TEAD1: variants seen among roughly 807,000 people sequenced by gnomAD.
TEAD1 encodes transcriptional enhancer factor TEF-1.
TEAD1 carries 9 observed loss-of-function variants against 54.9 expected under a neutral mutation model. That is an observed-to-expected ratio of 0.16 (90% CI 0.10 to 0.29). The LOEUF (loss-of-function observed/expected upper bound fraction) is 0.29. TEAD1 is among the 10% of genes least tolerant of loss of function. The pLI is 1.00. For missense variants in TEAD1, 387 were observed against 535.9 expected (o/e 0.72, Z 2.74); for synonymous variants, 200 against 187.8 (o/e 1.07, Z -0.53).
chr11:12,849,442 TCA>T (rs1947223479), intron 3 of TEAD1: 1 of 152,234 alleles, frequency 6.6e-6, no homozygotes, highest in Non-Finnish European at 1.5e-5. Context: ...CAGTTTGAGT[TCA>T]TTTTAAAAAT....
At chr11:12,932,830 C>A (rs1231564467) in intron 12 of TEAD1, among the ~76,000 whole-genome samples, 1 of 152,200 alleles carries the variant, frequency 6.6e-6, no homozygotes, top group Admixed American at 6.5e-5. Context: ...GAGCAAATTT[C>A]AGGCCTGTAA....
chr11:12,713,833 C>T (rs1056763845), intron 2 of TEAD1, among the ~76,000 whole-genome samples: 1 of 152,184 alleles, frequency 6.6e-6, no homozygotes, highest in Non-Finnish European at 1.5e-5. Flanking sequence ...CAGCAAATGG[C>T]TGCAGCAGCT....
chr11:12,935,533 C>T (rs1348542220), intron 12 of TEAD1, among the ~76,000 whole-genome samples: 9 of 151,942 alleles, frequency 5.9e-5, no homozygotes, highest in Admixed American at 5.2e-4. Context: ...AATCTTGGCT[C>T]GCTGCAACCT....
intron 2 of TEAD1, among the ~76,000 whole-genome samples, chr11:12,708,518 G>A (rs1461117146): frequency 6.6e-6 from 1 of 152,064 alleles, no homozygotes; most frequent in East Asian, 1.9e-4. Context: ...TGATTGGCAG[G>A]AGTCTAAACT....
chr11:12,737,635 C>G (rs1388628748), intron 2 of TEAD1, among the ~76,000 whole-genome samples: 1 of 152,180 alleles, frequency 6.6e-6, no homozygotes. Context: ...TTGTGGGGCT[C>G]AAGTCTGGAT....
chr11:12,878,962 C>T (rs759103478), intron 5 of TEAD1: 354 of 1,234,176 alleles, frequency 2.9e-4, no homozygotes, highest in Middle Eastern at 4.4e-4. Flanking sequence ...ACTTTTTTGG[C>T]TAGCTTTGTG....
chr11:12,940,829 TG>T lies in TEAD1; in HGVS notation c.*3608del, dbSNP rs1393540707. The T allele has an allele frequency of 1.3e-5, 2 of 152,262 alleles. No individual in the cohort carries two copies. The highest frequency in any genetic ancestry group is 2.9e-5 in the Non-Finnish European group (2 of 68,048). The allele number at this position is 152,262 out of a possible 1,614,324, so 9.4% of individuals were successfully genotyped here. On this transcript the variant is annotated 3_prime_UTR_variant, in exon 13 of 13. Transcript: ENST00000527636. ...CTAGTTTCTGCCTTACAAGCAATGC[TG>T]TTCTGTAAATTTATTGAAACCTCTG...
intron 2 of TEAD1, among the ~76,000 whole-genome samples, chr11:12,734,051 C>G (rs1188731903): frequency 6.6e-6 from 1 of 152,160 alleles, no homozygotes; most frequent in African/African-American, 2.4e-5. Flanking sequence ...TCCCAAGTAG[C>G]TGGGACTACT....
At chr11:12,754,502 A>C (rs981534743) in intron 2 of TEAD1, among the ~76,000 whole-genome samples, 7 of 152,218 alleles carry the variant, frequency 4.6e-5, no homozygotes, top group Non-Finnish European at 7.3e-5. Context: ...TCTAGAGACT[A>C]TCAGACTTCT....
At chr11:12,883,215 C>T (rs1454806805) in intron 9 of TEAD1, 90 bp downstream of exon 9, 2 of 1,587,768 alleles carry the variant, frequency 1.3e-6, no homozygotes, top group African/African-American at 2.7e-5. Context: ...CCTCCTTTAC[C>T]CCGCCCCATG....
chr11:12,813,444 G>T (rs1454082662), intron 3 of TEAD1, among the ~76,000 whole-genome samples: 5 of 152,190 alleles, frequency 3.3e-5, no homozygotes, highest in Non-Finnish European at 7.3e-5. Context: ...GTCTTTGTGG[G>T]CTGGACATCC....
At chr11:12,813,162 G>A (rs1440491968) in intron 3 of TEAD1, among the ~76,000 whole-genome samples, 1 of 152,198 alleles carries the variant, frequency 6.6e-6, no homozygotes, top group Non-Finnish European at 1.5e-5. Context: ...GGGAGGTGGA[G>A]CTGTAGAGGC....
chr11:12,855,189 C>T (rs1279095966), intron 3 of TEAD1, among the ~76,000 whole-genome samples: 1 of 152,226 alleles, frequency 6.6e-6, no homozygotes, highest in Non-Finnish European at 1.5e-5. Flanking sequence ...ATTCTGTAGA[C>T]CTCTCCCAAG....
intron 3 of TEAD1, among the ~76,000 whole-genome samples, chr11:12,840,179 G>A (rs992648095): frequency 8.1e-5 from 12 of 148,802 alleles, no homozygotes; most frequent in Admixed American, 1.4e-4. Context: ...CCCGGGAGGC[G>A]GAGCTTGCAG....
chr11:12,708,142 C>T (rs75050529), intron 2 of TEAD1, among the ~76,000 whole-genome samples: 2,251 of 151,588 alleles, frequency 0.015, 26 homozygotes, highest in Non-Finnish European at 0.019. Flanking sequence ...ACAGGTGTCT[C>T]GGTGGAAGAA....
intron 5 of TEAD1, among the ~76,000 whole-genome samples, chr11:12,868,400 A>AT (rs1947669322): frequency 2.0e-5 from 3 of 152,176 alleles, no homozygotes; most frequent in African/African-American, 7.2e-5. Flanking sequence ...CCTGTGTCCC[A>AT]TTTAAAGCCC....
intron 2 of TEAD1, among the ~76,000 whole-genome samples, chr11:12,727,865 C>T (rs1373464808): frequency 1.3e-5 from 2 of 152,074 alleles, no homozygotes; most frequent in African/African-American, 4.8e-5. Flanking sequence ...TTTGTTTAGT[C>T]TCCAAAGGCC....
intron 10 of TEAD1, 105 bp downstream of exon 10, chr11:12,902,218 C>G (rs770731121): frequency 3.7e-5 from 54 of 1,442,438 alleles, no homozygotes; most frequent in Non-Finnish European, 4.9e-5. Flanking sequence ...ACTGAGTGCA[C>G]CTTCATGTGC....
chr11:12,737,119 G>A (rs1038889340), intron 2 of TEAD1, among the ~76,000 whole-genome samples: 6 of 152,202 alleles, frequency 3.9e-5, no homozygotes, highest in Non-Finnish European at 7.4e-5. Flanking sequence ...AAAACGTCAT[G>A]TTTCAACTCT....
Sources: gnomAD v4.1 joint callset for allele counts (sites outside exome capture counted in the v4.1 genomes callset) on GRCh38, gnomAD v4.1.1 for gene constraint, MANE v1.5 for transcripts, NCBI Gene and HGNC (gene_info 2026-07-23, HGNC 2026-07-21) for gene names.